The following MDFI variants were observed in gnomAD, a reference collection of about 807,000 sequenced individuals.
The protein encoded by MDFI is inhibitor of MyoD family a.
A neutral mutation model predicts 22.3 loss-of-function variants in MDFI; 16 were observed. The ratio of observed to expected loss-of-function variants is 0.72; its 90% confidence interval spans 0.49 to 1.09. The LOEUF (loss-of-function observed/expected upper bound fraction) is 1.09. MDFI is among the 50% of genes least tolerant of loss of function. The pLI is 0.00. For missense variants in MDFI, 314 were observed against 326.1 expected (o/e 0.96, Z 0.29); for synonymous variants, 145 against 142.7 (o/e 1.02, Z -0.12).
rs1768373223 is a variant in MDFI, at chr6:41,653,687, T to C, written c.*112T>C. The C allele has an allele frequency of 2.2e-5, 30 of 1,384,924 alleles. No individual in the cohort carries two copies. In the South Asian group the frequency reaches 3.3e-4, roughly 15 times the overall value. The allele number at this position is 1,384,924 out of a possible 1,614,324, so 85.8% of individuals were successfully genotyped here. Reference sequence around the variant, plus strand: ...CAAGGCTTGAGAAGCCCCCTCTCCCTGGTCCTCTCCTACCCACCCATGTCC... The same window carrying C: ...CAAGGCTTGAGAAGCCCCCTCTCCCCGGTCCTCTCCTACCCACCCATGTCC... On this transcript the variant is annotated 3_prime_UTR_variant, in exon 5 of 5. Transcript: ENST00000230321. This position sits in a 1 kb window ranked among gnomAD's most constrained non-coding sequence, Gnocchi z 4.2.
In MDFI at chr6:41,648,548, A is replaced by T. The variant is rs141646869; in HGVS notation, c.260-1071A>T. Among the ~76,000 whole-genome samples, 1,006 of 152,144 alleles carry T rather than the reference A, an allele frequency of 6.6e-3. 6 individuals are homozygous for T. Among genetic ancestry groups the T allele is most frequent in the African/African-American group, 0.023 (955 of 41,520 alleles). On this transcript the variant is annotated intron_variant, in intron 3 of 4. Coordinates refer to ENST00000230321, the MANE Select transcript of MDFI (RefSeq NM_005586.4). ...CCCCAAGACATCTCCTACACAATTC[A>T]CATACACAGACCAGGCCTGGAGGGA...
chr6:41,647,936 C>T (rs945091433), intron 3 of MDFI, among the ~76,000 whole-genome samples: 3 of 148,906 alleles, frequency 2.0e-5, no homozygotes, highest in African/African-American at 5.0e-5. Context: ...CCTAGCTACT[C>T]GGGAGGCTGA....
At chr6:41,651,792 C>A (rs563776556) in intron 4 of MDFI, among the ~76,000 whole-genome samples, 77 of 152,328 alleles carry the variant, frequency 5.1e-4, no homozygotes, top group Admixed American at 8.5e-4. Flanking sequence ...CTGGCCCCAG[C>A]ACACGGAGGG....
At chr6:41,652,418 G>A (rs1177309633) in intron 4 of MDFI, among the ~76,000 whole-genome samples, 1 of 152,188 alleles carries the variant, frequency 6.6e-6, no homozygotes, top group Non-Finnish European at 1.5e-5. Flanking sequence ...TGAACCATGG[G>A]AGGGGTCTGA....
intron 2 of MDFI, among the ~76,000 whole-genome samples, chr6:41,643,008 G>A (rs901749195): frequency 3.9e-5 from 6 of 152,110 alleles, no homozygotes; most frequent in African/African-American, 1.4e-4. Flanking sequence ...GCAGGGCAGG[G>A]AGCAGAAGTC....
chr6:41,645,996 C>A, intron 2 of MDFI, 130 bp from the exon 3 acceptor site: 1 of 820,282 alleles, frequency 1.2e-6, no homozygotes, highest in Non-Finnish European at 1.8e-6. Flanking sequence ...AGAGTAAGGG[C>A]TGCATAACTG....
intron 3 of MDFI, 36 bp downstream of exon 3, chr6:41,646,344 A>G: frequency 7.2e-7 from 1 of 1,386,388 alleles, no homozygotes; most frequent in Non-Finnish European, 9.4e-7. Flanking sequence ...GGATGGCAAC[A>G]TGTAGGGTTG....
chr6:41,640,917 A>G (rs1767831609), intron 2 of MDFI, among the ~76,000 whole-genome samples: 2 of 152,194 alleles, frequency 1.3e-5, no homozygotes, highest in Non-Finnish European at 2.9e-5. Flanking sequence ...TCATGGTTCT[A>G]AATTGAATTT....
chr6:41,653,579 T>G lies in MDFI; in HGVS notation c.*4T>G, dbSNP rs778252224. 1.3e-6 allele frequency: 2 copies of G among 1,599,632 alleles called. No individual in the cohort carries two copies. The highest frequency in any genetic ancestry group is 3.3e-5 in the Admixed American group (2 of 60,006). The stretch of plus-strand genomic sequence containing the variant: ...TGGGCTCTGCTTCTCCTCCTGAGCC[T>G]CTGTCGGGGGCTAAGCCAGCCTGGC... On this transcript the variant is annotated 3_prime_UTR_variant, in exon 5 of 5. Transcript: ENST00000230321. The surrounding 1 kb of genome is among the most constrained non-coding windows in gnomAD (Gnocchi z 4.2).
intron 3 of MDFI, 120 bp from the exon 4 acceptor site, chr6:41,649,499 C>T: frequency 3.5e-6 from 3 of 868,112 alleles, no homozygotes; most frequent in South Asian, 1.8e-5. Flanking sequence ...CTGCAGGATA[C>T]AGGTCTGGCT....
chr6:41,652,608 C>CTTTTTTT (rs3050047), intron 4 of MDFI, among the ~76,000 whole-genome samples: 15 of 84,404 alleles, frequency 1.8e-4, no homozygotes, highest in East Asian at 4.1e-4. Context: ...CTCTCCCTCT[C>CTTTTTTT]TTTTTTTTTT....
rs1292602978 is a variant in MDFI, at chr6:41,638,490, G to A, written c.-174G>A. 6 of 516,738 alleles carry A rather than the reference G, an allele frequency of 1.2e-5. No homozygotes were observed. The highest frequency in any genetic ancestry group is 2.0e-5 in the Non-Finnish European group (6 of 294,720). The allele number at this position is 516,738 out of a possible 1,614,324, so 32.0% of individuals were successfully genotyped here. A position where few individuals can be genotyped will look rare whatever the true frequency, so the allele number is the denominator to read the frequency against. ...GGAAGAAGGAAGGGGCGAACGGCGT[G>A]AGCTGGCGCCGAAATGGGAGAAAGC... On this transcript the variant is annotated 5_prime_UTR_variant, in exon 1 of 5. Coordinates refer to ENST00000230321, the MANE Select transcript of MDFI (RefSeq NM_005586.4). This position sits in a 1 kb window ranked among gnomAD's most constrained non-coding sequence, Gnocchi z 7.6.
At chr6:41,645,801 C>T (rs912208307) in intron 2 of MDFI, among the ~76,000 whole-genome samples, 5 of 124,520 alleles carry the variant, frequency 4.0e-5, no homozygotes, top group Non-Finnish European at 8.5e-5. Context: ...CGTTGCTGAC[C>T]GTCCGTCTGT....
At chr6:41,639,796 A>G in intron 2 of MDFI, 3 of 985,328 alleles carry the variant, frequency 3.0e-6, no homozygotes, top group Non-Finnish European at 3.6e-6. Context: ...TGAACCTCTG[A>G]CACGAACTCC....
chr6:41,644,876 G>A (rs1343195772), intron 2 of MDFI, among the ~76,000 whole-genome samples: 1 of 151,436 alleles, frequency 6.6e-6, no homozygotes, highest in African/African-American at 2.4e-5. Context: ...TACTCTTTGG[G>A]CTTCCCTGCT....
chr6:41,653,821 C>T lies in MDFI; in HGVS notation c.*246C>T, dbSNP rs1768379108. 3 of 581,262 alleles carry T rather than the reference C, an allele frequency of 5.2e-6. No individual in the cohort carries two copies. The African/African-American group carries it at 5.6e-5, about 11-fold the overall frequency. 36.0% of individuals were successfully genotyped at this position (581,262 alleles called of 1,614,324 possible). ...AAGCCTGAACTCTTTACTGGGTTACCAGGTTCATACATTGCTGAGGACCTG... is the reference window on the plus strand; with the variant it reads ...AAGCCTGAACTCTTTACTGGGTTACTAGGTTCATACATTGCTGAGGACCTG... On this transcript the variant is annotated 3_prime_UTR_variant, in exon 5 of 5. Coordinates refer to ENST00000230321, the MANE Select transcript of MDFI (RefSeq NM_005586.4). The surrounding 1 kb of genome is among the most constrained non-coding windows in gnomAD (Gnocchi z 4.2).
intron 2 of MDFI, among the ~76,000 whole-genome samples, chr6:41,642,330 C>T (rs1026203066): frequency 6.6e-6 from 1 of 152,318 alleles, no homozygotes; most frequent in Admixed American, 6.5e-5. Flanking sequence ...GGGGGGCCTC[C>T]TTCACCTTTG....
At chr6:41,638,391 G>C, upstream of MDFI, 2 of 263,284 alleles carry the variant, frequency 7.6e-6, no homozygotes, top group South Asian at 9.6e-5. The surrounding 1 kb of genome is among the most constrained non-coding windows in gnomAD (Gnocchi z 7.6). Flanking sequence ...GAGGGGGCGG[G>C]GAGAGGGTGG....
At chr6:41,648,724 G>A (rs891577506) in intron 3 of MDFI, among the ~76,000 whole-genome samples, 6 of 152,042 alleles carry the variant, frequency 3.9e-5, no homozygotes, top group South Asian at 2.1e-4. Flanking sequence ...CAGTCCCTCC[G>A]CACTCCCCCC....
Sources: allele counts gnomAD v4.1 joint callset (sites outside exome capture counted in the v4.1 genomes callset), GRCh38; gene constraint gnomAD v4.1.1; non-coding constraint Gnocchi (gnomAD v3.1); transcripts MANE v1.5; gene names NCBI Gene and HGNC (gene_info 2026-07-23, HGNC 2026-07-21).